Variants in TULP4 observed in about 807,000 individuals in gnomAD.
TULP4 encodes the protein TUB like protein 4.
TULP4 carries 16 observed loss-of-function variants against 129.0 expected under a neutral mutation model. The observed-to-expected ratio is 0.12, with a 90% CI of 0.08 to 0.19. The LOEUF (loss-of-function observed/expected upper bound fraction) is 0.19. TULP4 is among the 10% of genes least tolerant of loss of function. The pLI is 1.00. For missense variants in TULP4, 1,842 were observed against 2,059.1 expected (o/e 0.89, Z 2.04); for synonymous variants, 998 against 854.0 (o/e 1.17, Z -2.94).
At chr6:158,477,732 C>T (rs1167004949) in intron 6 of TULP4, among the ~76,000 whole-genome samples, 12 of 152,182 alleles carry the variant, frequency 7.9e-5, no homozygotes. Flanking sequence ...TGAGAACTAA[C>T]GTTCGACCCA....
chr6:158,459,772 G>A (rs542327574), intron 5 of TULP4, among the ~76,000 whole-genome samples: 19 of 152,220 alleles, frequency 1.2e-4, no homozygotes, highest in African/African-American at 3.4e-4. Context: ...TTGAGACACC[G>A]TCATCTTTGT....
intron 1 of TULP4, among the ~76,000 whole-genome samples, chr6:158,254,342 C>T (rs1039193112): frequency 1.3e-5 from 2 of 152,082 alleles, no homozygotes; most frequent in African/African-American, 2.4e-5. Context: ...GGGGTTTTGC[C>T]ATGTTGGCCA....
At chr6:158,271,986 A>G (rs1013736489) in intron 1 of TULP4, among the ~76,000 whole-genome samples, 1 of 152,154 alleles carries the variant, frequency 6.6e-6, no homozygotes, top group African/African-American at 2.4e-5. Context: ...GCGGAAAAAT[A>G]TTTAGAACGT....
chr6:158,417,875 G>A (rs947224874), intron 2 of TULP4, among the ~76,000 whole-genome samples: 4 of 152,134 alleles, frequency 2.6e-5, no homozygotes, highest in African/African-American at 9.7e-5. Context: ...GTTTGGAACA[G>A]TACATGCATT....
At chr6:158,499,711 T>C (rs1780402632) in intron 12 of TULP4, among the ~76,000 whole-genome samples, 1 of 152,218 alleles carries the variant, frequency 6.6e-6, no homozygotes, top group African/African-American at 2.4e-5. Flanking sequence ...AGTATCTGGA[T>C]GTCTGTGACC....
chr6:158,395,674 G>A lies in TULP4; in HGVS notation c.253-17391G>A, dbSNP rs1266844196. 4.8e-5 allele frequency among the ~76,000 whole-genome samples: 6 copies of A among 124,280 alleles called. No individual in the cohort carries two copies. The East Asian group carries it at 1.4e-3, about 30-fold the overall frequency. 81.5% of individuals were successfully genotyped at this position (124,280 alleles called of 152,430 possible). Reference sequence around the variant, plus strand: ...CCTGAGGTAAAGTGATGGGCGGGGGGGGGGTCATGGCAGAAGCACCTGGGA... The same window carrying A: ...CCTGAGGTAAAGTGATGGGCGGGGGAGGGGTCATGGCAGAAGCACCTGGGA... On this transcript the variant is annotated intron_variant, in intron 1 of 13. Coordinates refer to ENST00000367097, the MANE Select transcript of TULP4 (RefSeq NM_020245.5).
chr6:158,392,138 G>C (rs1403384747), intron 1 of TULP4, among the ~76,000 whole-genome samples: 4 of 152,218 alleles, frequency 2.6e-5, no homozygotes, highest in Non-Finnish European at 4.4e-5. Context: ...CAGAAGGCAA[G>C]GAGGAGCAAG....
chr6:158,418,396 C>A (rs1176393573), intron 2 of TULP4, among the ~76,000 whole-genome samples: 1 of 149,294 alleles, frequency 6.7e-6, no homozygotes, highest in African/African-American at 2.5e-5. Context: ...GCATGAGCCA[C>A]CACTTTTTTT....
At chr6:158,419,448 A>C (rs1418483781) in intron 2 of TULP4, among the ~76,000 whole-genome samples, 1 of 152,254 alleles carries the variant, frequency 6.6e-6, no homozygotes, top group Non-Finnish European at 1.5e-5. Context: ...AAATTGAAAA[A>C]GTAAACCAAG....
chr6:158,391,039 C>T (rs1318706244), intron 1 of TULP4, among the ~76,000 whole-genome samples: 1 of 152,098 alleles, frequency 6.6e-6, no homozygotes, highest in Non-Finnish European at 1.5e-5. Context: ...ATTGCCACTG[C>T]ACTTCAGCCT....
chr6:158,503,324 C>T lies in TULP4; in HGVS notation c.3661C>T (p.Gln1221Ter), dbSNP rs1436408537. Residue 1221 changes from glutamine to a stop codon, truncating the protein, a stop_gained, in exon 13 of 14, where the codon CAG (glutamine) becomes TAG (stop). Transcript: ENST00000367097. LOFTEE classifies it high-confidence loss of function. The surrounding 1 kb of genome is among the most constrained non-coding windows in gnomAD (Gnocchi z 4.3). ...CCTGTCCCCAACGCAGTTTGCACAA[C>T]AGGAGCCTGCTGTGGTCCTTCAGCC... ...DALSPTQFAQ[Q>*]EPAVVLQPLY... 6.2e-7 allele frequency: 1 copy of T among 1,613,796 alleles called. No individual in the cohort carries two copies. The highest frequency in any genetic ancestry group is 8.5e-7 in the Non-Finnish European group (1 of 1,179,954).
intron 3 of TULP4, among the ~76,000 whole-genome samples, chr6:158,439,085 C>T (rs1475120014): frequency 4.6e-5 from 7 of 151,894 alleles, no homozygotes; most frequent in Non-Finnish European, 7.4e-5. Context: ...GCAAGAGAAT[C>T]GCTTGAACCC....
Position 158,420,307 on chromosome 6 carries a change from T to C in TULP4, c.381+7114T>C, listed in dbSNP as rs1799527733. Among the ~76,000 whole-genome samples, 4 of 152,212 alleles carry C rather than the reference T, an allele frequency of 2.6e-5. No homozygotes were observed. In the South Asian group the frequency reaches 8.3e-4, roughly 32 times the overall value. The stretch of plus-strand genomic sequence containing the variant: ...TCTCAGTTTGTGGGCCATACAAAAA[T>C]AGGTGACAGGTCAGATTTGGCTCAC... On this transcript the variant is annotated intron_variant, in intron 2 of 13. Transcript: ENST00000367097.
At chr6:158,321,694 TC>T (rs1303086693) in intron 1 of TULP4, among the ~76,000 whole-genome samples, 1 of 152,168 alleles carries the variant, frequency 6.6e-6, no homozygotes, top group Non-Finnish European at 1.5e-5. Flanking sequence ...GTATCTGACT[TC>T]CAGATAATAT....
rs1436933329 is a variant in TULP4 at position 158,440,624 on chromosome 6, A to T, written c.544-8372A>T. Among the ~76,000 whole-genome samples the T allele has an allele frequency of 5.3e-5, 8 of 152,216 alleles. No homozygotes were observed. In the East Asian group the frequency reaches 1.5e-3, roughly 29 times the overall value. ...TTTAAGCCCTGAACTAAACATATAT[A>T]GGAATGGTTCTTGTCAAAATCAGCA... On this transcript the variant is annotated intron_variant, in intron 3 of 13. Transcript: ENST00000367097.
At chr6:158,299,836 A>G (rs1779102761) in intron 1 of TULP4, among the ~76,000 whole-genome samples, 1 of 152,190 alleles carries the variant, frequency 6.6e-6, no homozygotes, top group Non-Finnish European at 1.5e-5. Context: ...TTGAGGGGAA[A>G]CTGGTAAGAC....
chr6:158,440,000 C>G (rs1173882025), intron 3 of TULP4, among the ~76,000 whole-genome samples: 1 of 151,544 alleles, frequency 6.6e-6, no homozygotes, highest in Admixed American at 6.6e-5. Flanking sequence ...CGTGAGCCAC[C>G]GTGTCCGGCC....
chr6:158,244,118 T>G (rs1777980062), intron 1 of TULP4, among the ~76,000 whole-genome samples: 1 of 152,184 alleles, frequency 6.6e-6, no homozygotes, highest in African/African-American at 2.4e-5. Flanking sequence ...TACTGTCCTT[T>G]CGATGCTCAA....
chr6:158,498,633 GTC>G lies in TULP4; in HGVS notation c.1871-32_1871-31del, dbSNP rs770838329. 14 of 1,613,582 alleles carry G rather than the reference GTC, an allele frequency of 8.7e-6. No homozygotes were observed. In the Admixed American group the frequency reaches 1.8e-4, roughly 21 times the overall value. On this transcript the variant is annotated intron_variant, in intron 11 of 13. Coordinates refer to ENST00000367097, the MANE Select transcript of TULP4 (RefSeq NM_020245.5). ...TGACACTTTGGCTCTGCTCTGGTGTGTCTCTGTTAACTGTGCCCTTCTTTTTC... is the reference window on the plus strand; with the variant it reads ...TGACACTTTGGCTCTGCTCTGGTGTGTCTGTTAACTGTGCCCTTCTTTTTC...
Sources: allele counts gnomAD v4.1 joint callset (sites outside exome capture counted in the v4.1 genomes callset), GRCh38; gene constraint gnomAD v4.1.1; non-coding constraint Gnocchi (gnomAD v3.1); transcripts MANE v1.5; gene names NCBI Gene and HGNC (gene_info 2026-07-23, HGNC 2026-07-21).